Variants in DSG1 observed in about 807,000 individuals in gnomAD.
DSG1 encodes the protein desmoglein 1, also known as desmoglein-1.
DSG1 carries 39 observed loss-of-function variants against 97.5 expected under a neutral mutation model. The ratio of observed to expected loss-of-function variants is 0.40; its 90% confidence interval spans 0.31 to 0.52. The LOEUF (loss-of-function observed/expected upper bound fraction) is 0.52. DSG1 is among the 20% of genes least tolerant of loss of function. The pLI, the probability that DSG1 is intolerant of heterozygous loss-of-function variation, is 0.53. For synonymous variants in DSG1, 475 were observed against 443.4 expected, an observed-to-expected ratio of 1.07 and a Z score of -0.90; for missense variants, 1,311 against 1,295.4, an observed-to-expected ratio of 1.01 and a Z score of -0.18.
Position 31,334,044 on chromosome 18 carries a change from C to A in DSG1, c.847C>A (p.Leu283Ile). 6.2e-7 allele frequency: 1 copy of A among 1,609,862 alleles called. No individual in the cohort carries two copies. The highest frequency in any genetic ancestry group is 1.1e-5 in the South Asian group (1 of 90,900). ...TACCATAGAAATTCAAGAAAATACT[C>A]TAAATTCAAATTTGCTCGAGATTAG... The part of the protein sequence containing the change: ...SYTIEIQENT[L>I]NSNLLEIRVI... The change falls in exon 8 of 15, where the codon CTA becomes ATA. Residue 283 changes from leucine (L) to isoleucine (I), a missense_variant. Coordinates refer to ENST00000257192, the MANE Select transcript of DSG1 (RefSeq NM_001942.4).
In DSG1 at chr18:31,333,596, G is replaced by T; in HGVS notation, c.692G>T (p.Gly231Val). 6.2e-7 allele frequency: 1 copy of T among 1,613,794 alleles called. No homozygotes were observed. Among genetic ancestry groups the T allele is most frequent in the Non-Finnish European group, 8.5e-7 (1 of 1,179,776 alleles). The change falls in exon 7 of 15, where the codon GGC (glycine) becomes GTC (valine). Residue 231 changes from glycine to valine, a missense_variant. By Grantham distance (109) the Gly-to-Val change is moderately radical. Around this residue, in one of 3 missense-constraint regions of DSG1, gnomAD observed 259 missense variants for 304.1 expected, o/e 0.85. Coordinates refer to ENST00000257192, the MANE Select transcript of DSG1 (RefSeq NM_001942.4). ...TGTAATATGTATTTTTAGCAATACG[G>T]CCAGTATGCTCTTGCTGTAAGAGGC... is the stretch of plus-strand genomic sequence containing the variant. ...MNNFLDREQY[G>V]QYALAVRGSD...
intron 3 of DSG1, 43 bp from the exon 4 acceptor site, chr18:31,328,146 C>G (rs759197744): frequency 1.1e-5 from 17 of 1,604,596 alleles, no homozygotes; most frequent in Non-Finnish European, 1.4e-5. Flanking sequence ...ATATAGAACT[C>G]TATTTGCTCC....
intron 6 of DSG1, 94 bp from the exon 7 acceptor site, chr18:31,333,495 T>G (rs1397306112): frequency 6.6e-7 from 1 of 1,506,118 alleles, no homozygotes; most frequent in East Asian, 2.3e-5. Flanking sequence ...TAGATTTATG[T>G]AAACGTTGAG....
intron 14 of DSG1, among the ~76,000 whole-genome samples, chr18:31,351,425 C>G (rs967935532): frequency 4.3e-4 from 64 of 147,930 alleles, no homozygotes; most frequent in African/African-American, 1.6e-3. Flanking sequence ...TGGTGTGGTG[C>G]TGAAAAAAAT....
intron 14 of DSG1, among the ~76,000 whole-genome samples, chr18:31,348,100 C>G (rs1272390092): frequency 6.7e-6 from 1 of 148,636 alleles, no homozygotes. Context: ...GTATATCTCC[C>G]GATGCTATCC....
chr18:31,347,613 T>C (rs985215031), intron 14 of DSG1: 5 of 152,258 alleles, frequency 3.3e-5, no homozygotes, highest in African/African-American at 9.6e-5. Context: ...CCTGAAAGTT[T>C]ACAATCCACT....
At position 31,354,959 on chromosome 18, in the gene DSG1, A is replaced by T; in HGVS notation, c.2763A>T (p.Val921=). The T allele has an allele frequency of 6.2e-7, 1 of 1,614,234 alleles. No homozygotes were observed. Among genetic ancestry groups the T allele is most frequent in the Non-Finnish European group, 8.5e-7 (1 of 1,180,028 alleles). The change falls in exon 15 of 15, where the codon GTA becomes GTT. Residue 921 remains valine (V), a synonymous_variant. Coordinates refer to ENST00000257192, the MANE Select transcript of DSG1 (RefSeq NM_001942.4). ...ATCCTAGAGAGTCTTCAAATGTGGT[A>T]GTGACAGAAAGAGTAATCCAACCAA... ...IHHPRESSNV[V]VTERVIQPTS...
rs370246612 is a variant in DSG1 at position 31,338,828 on chromosome 18, C to G, written c.1405+374C>G. On this transcript the variant is annotated intron_variant, in intron 10 of 14. Coordinates refer to ENST00000257192, the MANE Select transcript of DSG1 (RefSeq NM_001942.4). Reference sequence around the variant, plus strand: ...AAACAACAGGATTAGCATAGTTGAGCTGAAAGGACATGGGCTTTGATATCA... The same window carrying G: ...AAACAACAGGATTAGCATAGTTGAGGTGAAAGGACATGGGCTTTGATATCA... 2.6e-5 allele frequency among the ~76,000 whole-genome samples: 4 copies of G among 152,102 alleles called. No homozygotes were observed. The South Asian group carries it at 6.2e-4, about 24-fold the overall frequency.
At position 31,354,541 on chromosome 18, in the gene DSG1, C is replaced by T. The variant is rs1241001627; in HGVS notation, c.2345C>T (p.Pro782Leu). The change falls in exon 15 of 15, where the codon CCA (proline) becomes CTA (leucine). Residue 782 changes from proline (P) to leucine (L), a missense_variant. Coordinates refer to ENST00000257192, the MANE Select transcript of DSG1 (RefSeq NM_001942.4). ...DPSWPPQSTEPVCLPQETEPV... is the reference protein window; with the variant it reads ...DPSWPPQSTELVCLPQETEPV... ...TCTTGGCCACCACAAAGCACTGAAC[C>T]AGTTTGCCTTCCTCAGGAAACAGAG... 6.2e-7 allele frequency: 1 copy of T among 1,614,184 alleles called. No individual in the cohort carries two copies. The highest frequency in any genetic ancestry group is 8.5e-7 in the Non-Finnish European group (1 of 1,180,028).
intron 1 of DSG1, among the ~76,000 whole-genome samples, chr18:31,325,300 A>T (rs2071678981): frequency 6.6e-6 from 1 of 152,220 alleles, no homozygotes; most frequent in African/African-American, 2.4e-5. Context: ...TCATCTGCAT[A>T]GCTTTCCAAA....
At chr18:31,340,539 C>A (rs1483664360) in intron 11 of DSG1, among the ~76,000 whole-genome samples, 1 of 142,462 alleles carries the variant, frequency 7.0e-6, no homozygotes, top group Non-Finnish European at 1.5e-5. Context: ...ACCCAGGAGG[C>A]GGGGGTTCAG....
intron 10 of DSG1, 125 bp downstream of exon 10, chr18:31,338,579 A>G: frequency 1.1e-6 from 1 of 940,170 alleles, no homozygotes; most frequent in Non-Finnish European, 1.6e-6. Flanking sequence ...ACTGGGCATT[A>G]TAGACTCATA....
Position 31,339,385 on chromosome 18 carries a change from A to C in DSG1, c.1406-359A>C, listed in dbSNP as rs118116565. 4.3e-3 allele frequency among the ~76,000 whole-genome samples: 657 copies of C among 152,200 alleles called. 1 individual carries two copies. Among genetic ancestry groups the C allele is most frequent in the Non-Finnish European group, 6.5e-3 (444 of 67,956 alleles). ...TAAGGACAAAAGATCATTTTTAAAA[A>C]TATCAGCAGGTGTCGTCCTTGGGTG... On this transcript the variant is annotated intron_variant, in intron 10 of 14. Coordinates refer to ENST00000257192, the MANE Select transcript of DSG1 (RefSeq NM_001942.4).
intron 14 of DSG1, among the ~76,000 whole-genome samples, chr18:31,348,827 G>A: frequency 1.5e-5 from 2 of 129,692 alleles, no homozygotes; most frequent in Non-Finnish European, 3.2e-5. Flanking sequence ...TTTTTTTCTT[G>A]TAAATTTGTT....
intron 7 of DSG1, 92 bp downstream of exon 7, chr18:31,333,815 T>C (rs2071735310): frequency 8.1e-6 from 12 of 1,482,688 alleles, no homozygotes; most frequent in Non-Finnish European, 1.1e-5. Context: ...CATGTTATGT[T>C]TATTGACATA....
At position 31,340,004 on chromosome 18, in the gene DSG1, A is replaced by G. The variant is rs772343102; in HGVS notation, c.1666A>G (p.Met556Val). Reference sequence around the variant, plus strand: ...TCCTGCTGGCATTGGACTCCTCATCATGGGATTCTTGGTCTTAGGATGTAA... The same window carrying G: ...TCCTGCTGGCATTGGACTCCTCATCGTGGGATTCTTGGTCTTAGGATGTAA... ...FGPAGIGLLI[M>V]GFLVLGLVPF... The change falls in exon 11 of 15, where the codon ATG (methionine) becomes GTG (valine). Residue 556 changes from methionine to valine, a missense_variant. This residue lies in a region of DSG1 where 1,038 missense variants were observed against 964.6 expected (regional missense o/e 1.08). Transcript: ENST00000257192. 5.6e-6 allele frequency: 9 copies of G among 1,614,050 alleles called. No homozygotes were observed. The highest frequency in any genetic ancestry group is 6.8e-6 in the Non-Finnish European group (8 of 1,179,976).
At chr18:31,333,351 A>T (rs149057495) in intron 6 of DSG1, among the ~76,000 whole-genome samples, 1 of 152,182 alleles carries the variant, frequency 6.6e-6, no homozygotes, top group Non-Finnish European at 1.5e-5. Context: ...ACCTCTGGAC[A>T]TATTATTATT....
At chr18:31,353,863 C>A (rs1412736505) in intron 14 of DSG1, 2 of 242,936 alleles carry the variant, frequency 8.2e-6, no homozygotes, top group Non-Finnish European at 1.6e-5. Context: ...GACCTGCACC[C>A]ACTGTCTGGC....
intron 3 of DSG1, 147 bp from the exon 4 acceptor site, chr18:31,328,042 A>T (rs2071697121): frequency 2.6e-6 from 2 of 762,090 alleles, no homozygotes; most frequent in Admixed American, 5.8e-5. Flanking sequence ...TGTAATTGTT[A>T]CTCTTATCTA....
Sources: allele counts gnomAD v4.1 joint callset (sites outside exome capture counted in the v4.1 genomes callset), GRCh38; gene constraint gnomAD v4.1.1; regional missense constraint gnomAD v4.1.1; transcripts MANE v1.5; gene names NCBI Gene and HGNC (gene_info 2026-07-23, HGNC 2026-07-21).